The following ADGRB3 variants were observed in gnomAD, a reference collection of about 807,000 sequenced individuals.
ADGRB3 encodes brain-specific angiogenesis inhibitor 3.
A neutral mutation model predicts 193.4 loss-of-function variants in ADGRB3; 37 were observed. The ratio of observed to expected loss-of-function variants is 0.19; its 90% CI spans 0.15 to 0.25. The LOEUF (loss-of-function observed/expected upper bound fraction) is 0.25, where lower values mean the gene tolerates loss of function less well. Among genes scored for constraint, ADGRB3 ranks in the 10% least tolerant of loss-of-function variants. ADGRB3 has a pLI of 1.00. For missense variants in ADGRB3, 1,637 were observed against 1,852.9 expected, an observed-to-expected ratio of 0.88 and a Z score of 2.14; for synonymous variants, 690 against 644.2, an observed-to-expected ratio of 1.07 and a Z score of -1.08.
chr6:68,803,216 T>C (rs908814824), intron 3 of ADGRB3, among the ~76,000 whole-genome samples: 1 of 152,160 alleles, frequency 6.6e-6, no homozygotes, highest in South Asian at 2.1e-4. Context: ...TGTCAACTAA[T>C]GTAACAATCC....
intron 25 of ADGRB3, 133 bp from the exon 26 acceptor site, chr6:69,339,200 A>G: frequency 1.7e-6 from 2 of 1,207,800 alleles, no homozygotes; most frequent in East Asian, 4.7e-5. Context: ...AGACTCTCAA[A>G]TGTCATCTGC....
intron 20 of ADGRB3, among the ~76,000 whole-genome samples, chr6:69,301,570 C>A (rs1477070511): frequency 6.6e-6 from 1 of 151,884 alleles, no homozygotes; most frequent in African/African-American, 2.4e-5. Context: ...TCTTGAATAA[C>A]ACCATGGGAC....
At chr6:69,037,237 G>A (rs766278091) in intron 13 of ADGRB3, among the ~76,000 whole-genome samples, 5 of 152,144 alleles carry the variant, frequency 3.3e-5, no homozygotes, top group Non-Finnish European at 5.9e-5. Flanking sequence ...AAGTGCTTTG[G>A]TAGTGGAAAA....
intron 23 of ADGRB3, chr6:69,331,518 T>C (rs1166773291): frequency 1.0e-6 from 1 of 984,866 alleles, no homozygotes; most frequent in Admixed American, 6.2e-5. Flanking sequence ...GATATGTCTG[T>C]TTTTTTCTCC....
intron 20 of ADGRB3, among the ~76,000 whole-genome samples, chr6:69,246,505 A>C (rs983327542): frequency 3.3e-5 from 5 of 152,174 alleles, no homozygotes; most frequent in Non-Finnish European, 5.9e-5. Flanking sequence ...CCAGCAATAA[A>C]AGATGATTTC....
At chr6:68,849,471 G>T (rs1768353451) in intron 3 of ADGRB3, among the ~76,000 whole-genome samples, 1 of 151,886 alleles carries the variant, frequency 6.6e-6, no homozygotes, top group Admixed American at 6.6e-5. Context: ...AACTTGTGAA[G>T]TTCAATTAGT....
chr6:69,207,381 G>C (rs73469306), intron 17 of ADGRB3, among the ~76,000 whole-genome samples: 2,568 of 152,266 alleles, frequency 0.017, 80 homozygotes, highest in African/African-American at 0.054. Context: ...CCCAAATGAG[G>C]AATGTGTTTC....
intron 17 of ADGRB3, among the ~76,000 whole-genome samples, chr6:69,114,014 G>C (rs1024306293): frequency 9.2e-5 from 14 of 152,224 alleles, no homozygotes; most frequent in African/African-American, 3.4e-4. Context: ...TGGTGCCCAG[G>C]ACAATGAATG....
intron 20 of ADGRB3, among the ~76,000 whole-genome samples, chr6:69,268,844 G>T (rs1251757370): frequency 3.3e-5 from 5 of 152,178 alleles, no homozygotes; most frequent in Admixed American, 6.6e-5. Flanking sequence ...CTGGTTAATG[G>T]CTGGAGTGCT....
rs544456071 is a variant in ADGRB3, at chr6:69,136,536, G to T, written c.2480+60498G>T. On this transcript the variant is annotated intron_variant, in intron 17 of 31. Coordinates refer to ENST00000370598, the MANE Select transcript of ADGRB3 (RefSeq NM_001704.3). Reference sequence around the variant, plus strand: ...TTATTTAATATTAAATTCATCATCTGCTTCTATATGTCTATATATTTGGCA... The same window carrying T: ...TTATTTAATATTAAATTCATCATCTTCTTCTATATGTCTATATATTTGGCA... Among the ~76,000 whole-genome samples the T allele has an allele frequency of 5.3e-5, 8 of 152,072 alleles. No homozygotes were observed. The South Asian group carries it at 1.7e-3, about 32-fold the overall frequency.
chr6:68,765,325 A>G (rs1224173060), intron 3 of ADGRB3, among the ~76,000 whole-genome samples: 1 of 152,132 alleles, frequency 6.6e-6, no homozygotes, highest in Non-Finnish European at 1.5e-5. Flanking sequence ...AGCAGAAAAC[A>G]ATGTTTAATT....
intron 3 of ADGRB3, among the ~76,000 whole-genome samples, chr6:68,767,638 AG>A (rs1766534678): frequency 6.6e-6 from 1 of 152,088 alleles, no homozygotes; most frequent in South Asian, 2.1e-4. Flanking sequence ...CACAAGACAA[AG>A]ATGCCATCTC....
intron 17 of ADGRB3, among the ~76,000 whole-genome samples, chr6:69,104,884 T>A (rs912579674): frequency 6.6e-6 from 1 of 152,190 alleles, no homozygotes; most frequent in Non-Finnish European, 1.5e-5. Flanking sequence ...TATCATCTGT[T>A]CATTTTCATC....
intron 17 of ADGRB3, among the ~76,000 whole-genome samples, chr6:69,176,472 C>T (rs1775430455): frequency 6.6e-6 from 1 of 152,108 alleles, no homozygotes; most frequent in African/African-American, 2.4e-5. Flanking sequence ...AACCTTGCAT[C>T]CCAGGAATGA....
chr6:68,789,151 T>G (rs1419738200), intron 3 of ADGRB3, among the ~76,000 whole-genome samples: 3 of 151,644 alleles, frequency 2.0e-5, no homozygotes, highest in Non-Finnish European at 4.4e-5. Flanking sequence ...TTAGCCCATT[T>G]ACATTTAAAG....
chr6:69,076,816 C>G (rs1219957935), intron 17 of ADGRB3, among the ~76,000 whole-genome samples: 2 of 152,038 alleles, frequency 1.3e-5, no homozygotes, highest in Non-Finnish European at 2.9e-5. Flanking sequence ...AGTAATCCCA[C>G]TCTATATATG....
Position 68,739,067 on chromosome 6 carries a change from A to G in ADGRB3, c.757+99635A>G, listed in dbSNP as rs574268033. On this transcript the variant is annotated intron_variant, in intron 3 of 31. Transcript: ENST00000370598. The stretch of plus-strand genomic sequence containing the variant: ...GCAAGCAAATGTTTCAAATTCTGCT[A>G]TTGGTCAACTAAAATGAGGACCAAT... 5.6e-4 allele frequency among the ~76,000 whole-genome samples: 85 copies of G among 152,298 alleles called. 2 individuals carry two copies. In the South Asian group the frequency reaches 6.0e-3, roughly 11 times the overall value.
chr6:69,371,872 C>G (rs1769714455), intron 29 of ADGRB3, among the ~76,000 whole-genome samples: 1 of 152,070 alleles, frequency 6.6e-6, no homozygotes, highest in Non-Finnish European at 1.5e-5. Context: ...AAGGACTTTT[C>G]TGTCATGGAG....
intron 20 of ADGRB3, among the ~76,000 whole-genome samples, chr6:69,299,002 C>T (rs1045245316): frequency 6.6e-6 from 1 of 151,872 alleles, no homozygotes; most frequent in Non-Finnish European, 1.5e-5. Context: ...CCCAATAACA[C>T]TTTAAGAAGA....
Sources: gnomAD v4.1 joint callset for allele counts (sites outside exome capture counted in the v4.1 genomes callset) on GRCh38, gnomAD v4.1.1 for gene constraint, MANE v1.5 for transcripts, NCBI Gene and HGNC (gene_info 2026-07-23, HGNC 2026-07-21) for gene names.